VAPA: variants seen among roughly 807,000 people sequenced by gnomAD.
VAPA encodes vesicle-associated membrane protein-associated protein A.
Under a neutral mutation model 25.6 loss-of-function variants are expected in VAPA, and 6 were observed. The ratio of observed to expected loss-of-function variants is 0.23; its 90% CI spans 0.13 to 0.46. The LOEUF is 0.46. Among genes scored for constraint, VAPA ranks in the 20% least tolerant of loss-of-function variants. The pLI is 0.99. For synonymous variants in VAPA, 112 were observed against 106.2 expected, an observed-to-expected ratio of 1.05 and a Z score of -0.34; for missense variants, 244 against 302.1, an observed-to-expected ratio of 0.81 and a Z score of 1.43.
intron 1 of VAPA, among the ~76,000 whole-genome samples, chr18:9,929,467 C>T (rs895184475): frequency 6.6e-6 from 1 of 152,048 alleles, no homozygotes; most frequent in African/African-American, 2.4e-5. Context: ...TGATACAACC[C>T]CTCCATCCCT....
At chr18:9,927,471 GTTC>G (rs1200439479) in intron 1 of VAPA, among the ~76,000 whole-genome samples, 13 of 145,458 alleles carry the variant, frequency 8.9e-5, no homozygotes, top group Admixed American at 2.7e-4. Flanking sequence ...TGTTACAGTG[GTTC>G]TTTTTTTTTT....
chr18:9,914,475 GGCT>G, intron 1 of VAPA, 140 bp downstream of exon 1: 1 of 676,654 alleles, frequency 1.5e-6, no homozygotes, highest in Non-Finnish European at 2.2e-6. Context: ...TCCCTTTCCC[GGCT>G]GCTTTCTTGC....
At position 9,954,522 on chromosome 18, in the gene VAPA, G is replaced by A. The variant is rs529377227; in HGVS notation, c.*311G>A. On this transcript the variant is annotated 3_prime_UTR_variant, in exon 6 of 6. Transcript: ENST00000400000. ...TGGTTTTAATAAGAGTTCAAGAATT[G>A]TTCAGAGTCTTGTAAATGTTATTTT... 2.1e-5 allele frequency: 5 copies of A among 233,232 alleles called. No homozygotes were observed. Among genetic ancestry groups the A allele is most frequent in the Non-Finnish European group, 4.1e-5 (5 of 122,338 alleles). 14.4% of individuals were successfully genotyped at this position (233,232 alleles called of 1,614,324 possible). A position where few individuals can be genotyped will look rare whatever the true frequency, so the allele number is the denominator to read the frequency against.
chr18:9,950,437 A>G lies in VAPA; in HGVS notation c.460A>G (p.Lys154Glu), dbSNP rs979180668. Reference protein sequence around the residue: ...PSKAVPLNASKQDGPMPKPHS... With the variant: ...PSKAVPLNASEQDGPMPKPHS... ...CAAAGCTGTTCCACTGAATGCATCT[A>G]AGCAAGATGGACCTATGCCAAAACC... The change falls in exon 5 of 6, where the codon AAG (lysine) becomes GAG (glutamate). Residue 154 changes from lysine to glutamate, a missense_variant. Lys to Glu is a moderately conservative substitution (Grantham distance 56). This residue lies in a region of VAPA where 145 missense variants were observed against 140.6 expected (regional missense o/e 1.03). Coordinates refer to ENST00000400000, the MANE Select transcript of VAPA (RefSeq NM_194434.3). 8 of 1,614,114 alleles carry G rather than the reference A, an allele frequency of 5.0e-6. No individual in the cohort carries two copies. The highest frequency in any genetic ancestry group is 6.8e-6 in the Non-Finnish European group (8 of 1,180,008).
rs2069557104 is a variant in VAPA, at chr18:9,956,887, A to AGTTATAGAAG, written c.*2676_*2677insGTTATAGAAG. The AGTTATAGAAG allele has an allele frequency of 6.6e-6, 1 of 152,144 alleles. No homozygotes were observed. The highest frequency in any genetic ancestry group is 2.4e-5 in the African/African-American group (1 of 41,418). The allele number at this position is 152,144 out of a possible 1,614,324, so 9.4% of individuals were successfully genotyped here. A position where few individuals can be genotyped will look rare whatever the true frequency, so the allele number is the denominator to read the frequency against. On this transcript the variant is annotated 3_prime_UTR_variant, in exon 6 of 6. Transcript: ENST00000400000. ...ATGCACTAGCTTCCTTCGTTCTATA[A>AGTTATAGAAG]CTAATGTACCTTAACTTCCCCCATT...
At chr18:9,943,840 C>CTT (rs1281083775) in intron 4 of VAPA, among the ~76,000 whole-genome samples, 9 of 90,446 alleles carry the variant, frequency 1.0e-4, no homozygotes, top group South Asian at 3.3e-4. Context: ...GACATATTTC[C>CTT]CTTTTTTTTT....
At position 9,953,907 on chromosome 18, in the gene VAPA, T is replaced by C. The variant is rs928570098; in HGVS notation, c.592-146T>C. The C allele has an allele frequency of 4.5e-6, 4 of 889,520 alleles. No homozygotes were observed. The African/African-American group carries it at 6.8e-5, about 15-fold the overall frequency. The allele number at this position is 889,520 out of a possible 1,614,324, so 55.1% of individuals were successfully genotyped here. On this transcript the variant is annotated intron_variant, in intron 5 of 5. Transcript: ENST00000400000. The stretch of plus-strand genomic sequence containing the variant: ...TGTCTATCACCCCCGGAAAGTTTCC[T>C]TATGTGGTTAGCAGTTAATCCCCTT...
chr18:9,925,812 A>G (rs144641868), intron 1 of VAPA, among the ~76,000 whole-genome samples: 15 of 152,302 alleles, frequency 9.8e-5, no homozygotes, highest in Non-Finnish European at 1.6e-4. Context: ...GAGAAATACA[A>G]TATCAATTTA....
intron 1 of VAPA, among the ~76,000 whole-genome samples, chr18:9,919,277 C>G (rs2069137487): frequency 6.6e-6 from 1 of 152,158 alleles, no homozygotes; most frequent in African/African-American, 2.4e-5. Context: ...TTGACATAAT[C>G]CCTTTGTCCA....
At chr18:9,925,686 T>G (rs1211142300) in intron 1 of VAPA, among the ~76,000 whole-genome samples, 1 of 152,122 alleles carries the variant, frequency 6.6e-6, no homozygotes, top group Non-Finnish European at 1.5e-5. Flanking sequence ...GTGACATCAT[T>G]TAAAAAATTT....
intron 1 of VAPA, among the ~76,000 whole-genome samples, chr18:9,924,597 A>G (rs1327615451): frequency 6.6e-6 from 1 of 152,198 alleles, no homozygotes; most frequent in Non-Finnish European, 1.5e-5. Context: ...AGCACTCCTA[A>G]AACGTTTAAG....
intron 1 of VAPA, among the ~76,000 whole-genome samples, chr18:9,930,212 AAAT>A (rs1376940274): frequency 6.6e-6 from 1 of 152,188 alleles, no homozygotes; most frequent in Non-Finnish European, 1.5e-5. Flanking sequence ...TATGTAATTA[AAAT>A]AATTAGGCAT....
At chr18:9,944,192 A>T (rs1202292686) in intron 4 of VAPA, among the ~76,000 whole-genome samples, 1 of 152,084 alleles carries the variant, frequency 6.6e-6, no homozygotes, top group Non-Finnish European at 1.5e-5. Context: ...GATTTTTTTT[A>T]AATGAAGACT....
intron 1 of VAPA, among the ~76,000 whole-genome samples, chr18:9,921,477 C>T (rs2069156318): frequency 6.6e-6 from 1 of 152,108 alleles, no homozygotes; most frequent in South Asian, 2.1e-4. Flanking sequence ...ATAGGGAAAA[C>T]TATACTTTTA....
chr18:9,946,687 A>G (rs929966209), intron 4 of VAPA, among the ~76,000 whole-genome samples: 1 of 151,886 alleles, frequency 6.6e-6, no homozygotes, highest in African/African-American at 2.4e-5. Flanking sequence ...GCAGAACTGG[A>G]AGTTGTTTTG....
chr18:9,956,027 C>T lies in VAPA; in HGVS notation c.*1816C>T, dbSNP rs2069546462. 2.0e-5 allele frequency: 3 copies of T among 152,046 alleles called. No individual in the cohort carries two copies. The highest frequency in any genetic ancestry group is 7.3e-5 in the African/African-American group (3 of 41,376). The allele number at this position is 152,046 out of a possible 1,614,324, so 9.4% of individuals were successfully genotyped here. On this transcript the variant is annotated 3_prime_UTR_variant, in exon 6 of 6. Coordinates refer to ENST00000400000, the MANE Select transcript of VAPA (RefSeq NM_194434.3). ...AATCAATATTATTGGTGGTAAATAC[C>T]AAGTTTGGTATCTCATAGCTATCTT... is the stretch of plus-strand genomic sequence containing the variant.
chr18:9,938,815 T>G (rs760648277), intron 4 of VAPA, among the ~76,000 whole-genome samples: 2 of 152,032 alleles, frequency 1.3e-5, no homozygotes, highest in Non-Finnish European at 2.9e-5. Flanking sequence ...CCTAGAAGAG[T>G]AGGTAGGAGG....
intron 1 of VAPA, among the ~76,000 whole-genome samples, chr18:9,925,619 C>T (rs982492354): frequency 2.0e-5 from 3 of 151,956 alleles, no homozygotes; most frequent in Non-Finnish European, 2.9e-5. Context: ...ATGGAGCTTA[C>T]ATCAAGTCTG....
intron 1 of VAPA, among the ~76,000 whole-genome samples, chr18:9,930,116 T>A (rs2069238707): frequency 6.6e-6 from 1 of 152,138 alleles, no homozygotes; most frequent in African/African-American, 2.4e-5. Context: ...TTTGGATAAT[T>A]GGTACTTTTT....
Sources: allele counts gnomAD v4.1 joint callset (sites outside exome capture counted in the v4.1 genomes callset), GRCh38; gene constraint gnomAD v4.1.1; regional missense constraint gnomAD v4.1.1; transcripts MANE v1.5; gene names NCBI Gene and HGNC (gene_info 2026-07-23, HGNC 2026-07-21).